The following NLRP8 variants were observed in gnomAD, a reference collection of about 807,000 sequenced individuals.
The protein encoded by NLRP8 is NACHT, LRR and PYD domains-containing protein 8.
NLRP8 carries 86 observed loss-of-function variants against 88.7 expected under a neutral mutation model. That is an observed-to-expected ratio of 0.97 (90% CI 0.81 to 1.16). The LOEUF (loss-of-function observed/expected upper bound fraction) is 1.16. Ranked by LOEUF, NLRP8 falls within the 50% of genes most tolerant of loss-of-function variation. NLRP8 has a pLI of 0.00. For synonymous variants in NLRP8, 504 were observed against 494.6 expected (o/e 1.02, Z -0.25); for missense variants, 1,342 against 1,286.5 (o/e 1.04, Z -0.66).
intron 3 of NLRP8, among the ~76,000 whole-genome samples, chr19:55,959,642 T>A (rs1365038959): frequency 6.6e-6 from 1 of 152,232 alleles, no homozygotes; most frequent in Non-Finnish European, 1.5e-5. Context: ...GTCAGGCTGC[T>A]TATTCTCACA....
intron 8 of NLRP8, among the ~76,000 whole-genome samples, chr19:55,977,153 G>A (rs111289203): frequency 4.9e-5 from 7 of 143,832 alleles, no homozygotes; most frequent in South Asian, 2.1e-4. Flanking sequence ...ACGTATATAC[G>A]TATATAAAGA....
intron 4 of NLRP8, among the ~76,000 whole-genome samples, chr19:55,962,501 A>G (rs1979659391): frequency 6.6e-6 from 1 of 152,204 alleles, no homozygotes; most frequent in South Asian, 2.1e-4. Context: ...TGACATTTGC[A>G]CCAACTTAAT....
At chr19:55,969,184 A>T (rs2123210802) in intron 5 of NLRP8, among the ~76,000 whole-genome samples, 2 of 152,258 alleles carry the variant, frequency 1.3e-5, no homozygotes, top group Non-Finnish European at 1.5e-5. Context: ...GGTGATTTCT[A>T]AGACTTTAGT....
chr19:55,985,429 A>G (rs942483283), intron 9 of NLRP8, among the ~76,000 whole-genome samples: 1 of 152,224 alleles, frequency 6.6e-6, no homozygotes, highest in Non-Finnish European at 1.5e-5. Context: ...AATAGAGTCC[A>G]GAACAGAAGG....
At chr19:55,985,852 T>C (rs1980783368) in intron 9 of NLRP8, among the ~76,000 whole-genome samples, 2 of 152,022 alleles carry the variant, frequency 1.3e-5, no homozygotes, top group South Asian at 2.1e-4. Flanking sequence ...CCCATCTCTA[T>C]TAAAAATCTG....
At chr19:55,965,826 C>T (rs1464625907) in intron 4 of NLRP8, among the ~76,000 whole-genome samples, 1 of 123,252 alleles carries the variant, frequency 8.1e-6, no homozygotes, top group Admixed American at 9.7e-5. Flanking sequence ...CCCCCAGAGG[C>T]CCCGGTATGT....
In NLRP8 at chr19:55,947,916, A is replaced by G. The variant is rs1978915206; in HGVS notation, c.14A>G (p.Asn5Ser). The change falls in exon 1 of 10, where the codon AAT becomes AGT. Residue 5 changes from asparagine to serine, a missense_variant. Coordinates refer to ENST00000291971, the MANE Select transcript of NLRP8 (RefSeq NM_176811.2). ...CCTTGACTAAAGATGAGTGACGTGA[A>G]TCCACCCTCTGACACCCCCATTCCC... 6.2e-7 allele frequency: 1 copy of G among 1,611,248 alleles called. No individual in the cohort carries two copies. The highest frequency in any genetic ancestry group is 1.7e-5 in the Admixed American group (1 of 59,926).
chr19:55,986,457 CACACACTCTCTCACAT>C (rs879448051), intron 9 of NLRP8, among the ~76,000 whole-genome samples: 2,604 of 69,440 alleles, frequency 0.037, 30 homozygotes, highest in African/African-American at 0.068. Context: ...CTCTCTCACA[CACACACTCTCTCACAT>C]ACACACACAC....
At position 55,954,913 on chromosome 19, in the gene NLRP8, G is replaced by A. The variant is rs1377949178; in HGVS notation, c.855G>A (p.Leu285=). The change falls in exon 3 of 10, where the codon TTG becomes TTA. Residue 285 remains leucine, a synonymous_variant. Coordinates refer to ENST00000291971, the MANE Select transcript of NLRP8 (RefSeq NM_176811.2). ...AACCCGACCAACTTCTGCTGCTCTT[G>A]GATGGCTTTGAGGAGCTCACATCTA... The A allele has an allele frequency of 2.5e-6, 4 of 1,614,028 alleles. No individual in the cohort carries two copies. Among genetic ancestry groups the A allele is most frequent in the Non-Finnish European group, 2.5e-6 (3 of 1,180,040 alleles).
At chr19:55,979,363 C>G (rs370294373) in intron 8 of NLRP8, 31 bp from the exon 9 acceptor site, 1 of 1,611,380 alleles carries the variant, frequency 6.2e-7, no homozygotes, top group Non-Finnish European at 8.5e-7. Context: ...GATGACTTCT[C>G]TGCTGTCTGC....
Position 55,955,997 on chromosome 19 carries a change from T to C in NLRP8, c.1939T>C (p.Phe647Leu), listed in dbSNP as rs141461827. 24 of 1,614,016 alleles carry C rather than the reference T, an allele frequency of 1.5e-5. No homozygotes were observed. The highest frequency in any genetic ancestry group is 1.9e-5 in the Non-Finnish European group (23 of 1,180,026). The change falls in exon 3 of 10, where the codon TTT becomes CTT. Residue 647 changes from phenylalanine to leucine, a missense_variant. Transcript: ENST00000291971. Reference sequence around the variant, plus strand: ...CAACAAAGAAGTTCAAGTGTCTGCTTTTTGCCTGAAGCGGTGTCAATATTT... The same window carrying C: ...CAACAAAGAAGTTCAAGTGTCTGCTCTTTGCCTGAAGCGGTGTCAATATTT...
At chr19:55,987,753 G>T in intron 9 of NLRP8, 1 of 1,224,702 alleles carries the variant, frequency 8.2e-7, no homozygotes, top group Non-Finnish European at 1.2e-6. Flanking sequence ...TGCAAGCTTA[G>T]GGAAGTCACT....
chr19:55,962,248 C>T lies in NLRP8; in HGVS notation c.2213+11C>T, dbSNP rs1474989328. The T allele has an allele frequency of 1.2e-6, 2 of 1,607,846 alleles. No homozygotes were observed. Among genetic ancestry groups the T allele is most frequent in the East Asian group, 4.5e-5 (2 of 44,846 alleles). ...ACTGCAAAAGCTACTGTGAGTATAA[C>T]ACAAATCCCACTGGAAGGAACTTTA... On this transcript the variant is annotated intron_variant, in intron 4 of 9. Transcript: ENST00000291971.
At chr19:55,976,082 GTTT>G (rs777110588) in intron 7 of NLRP8, 48 bp from the exon 8 acceptor site, 1 of 1,423,210 alleles carries the variant, frequency 7.0e-7, no homozygotes, top group Non-Finnish European at 9.4e-7. Context: ...TGTTGTTGTT[GTTT>G]TGTTGTAGTT....
Position 55,973,688 on chromosome 19 carries a change from A to T in NLRP8, c.2571A>T (p.Glu857Asp). The change falls in exon 7 of 10, where the codon GAA becomes GAT. Residue 857 changes from glutamate (E) to aspartate (D), a missense_variant. Physicochemically the swap from Glu to Asp is conservative, Grantham distance 45. Transcript: ENST00000291971. ...GCAACCTTACACAGCTTACTTGTGAAAGCCTTGCCTCCTGTCTCAGGCAGA... is the reference window on the plus strand; with the variant it reads ...GCAACCTTACACAGCTTACTTGTGATAGCCTTGCCTCCTGTCTCAGGCAGA... The T allele has an allele frequency of 6.2e-7, 1 of 1,613,714 alleles. No homozygotes were observed. The highest frequency in any genetic ancestry group is 1.3e-5 in the African/African-American group (1 of 75,054).
intron 9 of NLRP8, among the ~76,000 whole-genome samples, 117 bp downstream of exon 10, chr19:55,981,275 G>T (rs1237683095): frequency 6.6e-6 from 1 of 150,456 alleles, no homozygotes; most frequent in Non-Finnish European, 1.5e-5. Flanking sequence ...TGCCTATTTT[G>T]TGGGCCGTCC....
intron 5 of NLRP8, among the ~76,000 whole-genome samples, chr19:55,968,210 G>A (rs1326963989): frequency 6.6e-6 from 1 of 152,192 alleles, no homozygotes; most frequent in Admixed American, 6.5e-5. Context: ...AGGCTGAGGT[G>A]GGTGGATCAC....
At chr19:55,961,569 A>G (rs1400714909) in intron 3 of NLRP8, among the ~76,000 whole-genome samples, 1 of 152,172 alleles carries the variant, frequency 6.6e-6, no homozygotes, top group African/African-American at 2.4e-5. Context: ...TGGGAGGCCA[A>G]GGCAGGAGGA....
chr19:55,973,379 C>A (rs762778175), intron 6 of NLRP8, among the ~76,000 whole-genome samples: 1 of 152,194 alleles, frequency 6.6e-6, no homozygotes, highest in Non-Finnish European at 1.5e-5. Context: ...TTCTCCCACT[C>A]TGTGGGCTGT....
Sources: allele counts gnomAD v4.1 joint callset (sites outside exome capture counted in the v4.1 genomes callset), GRCh38; gene constraint gnomAD v4.1.1; transcripts MANE v1.5; gene names NCBI Gene and HGNC (gene_info 2026-07-23, HGNC 2026-07-21).